The following EPHA3 variants were observed in gnomAD, a reference collection of about 807,000 sequenced individuals.
The protein encoded by EPHA3 is EPH receptor A3, also known as ephrin type-A receptor 3.
In EPHA3, 42 loss-of-function variants were observed where a neutral mutation model predicts 107.1. The observed-to-expected ratio is 0.39, with a 90% CI of 0.31 to 0.51. The LOEUF (loss-of-function observed/expected upper bound fraction) is 0.51. Among genes scored for constraint, EPHA3 ranks in the 20% least tolerant of loss-of-function variants. EPHA3 has a pLI of 0.78. For synonymous variants in EPHA3, 461 were observed against 424.8 expected, an observed-to-expected ratio of 1.09 and a Z score of -1.05; for missense variants, 1,183 against 1,211.2, an observed-to-expected ratio of 0.98 and a Z score of 0.35.
intron 2 of EPHA3, among the ~76,000 whole-genome samples, chr3:89,187,159 G>A (rs1705586095): frequency 6.6e-6 from 1 of 150,970 alleles, no homozygotes; most frequent in Admixed American, 6.6e-5. Context: ...TCCTACCTTT[G>A]TTGAATTACT....
chr3:89,248,429 C>A (rs1489044550), intron 3 of EPHA3, among the ~76,000 whole-genome samples: 2 of 152,130 alleles, frequency 1.3e-5, no homozygotes, highest in African/African-American at 4.8e-5. Context: ...GCTATTTTCT[C>A]CAGTTGAAGA....
chr3:89,408,765 G>A (rs1008550265), intron 9 of EPHA3, among the ~76,000 whole-genome samples: 14 of 151,702 alleles, frequency 9.2e-5, no homozygotes, highest in African/African-American at 2.9e-4. Flanking sequence ...GGTGTTTTGC[G>A]TTCCAAACTA....
At chr3:89,345,649 G>A (rs1707631144) in intron 5 of EPHA3, among the ~76,000 whole-genome samples, 1 of 144,556 alleles carries the variant, frequency 6.9e-6, no homozygotes, top group South Asian at 2.2e-4. Flanking sequence ...AAGTTTTAGG[G>A]TACATGTGCA....
intron 3 of EPHA3, among the ~76,000 whole-genome samples, chr3:89,337,449 T>C (rs1055853772): frequency 7.2e-5 from 11 of 152,232 alleles, no homozygotes; most frequent in African/African-American, 2.4e-4. Context: ...AATAGAACTT[T>C]GATAAGATTT....
intron 7 of EPHA3, among the ~76,000 whole-genome samples, chr3:89,400,749 A>G (rs1576359851): frequency 6.6e-6 from 1 of 152,272 alleles, no homozygotes; most frequent in Admixed American, 6.5e-5. Flanking sequence ...GATTGAGGTC[A>G]TCTTTCTTAC....
intron 11 of EPHA3, among the ~76,000 whole-genome samples, chr3:89,425,787 G>A (rs950976908): frequency 1.3e-5 from 2 of 151,450 alleles, no homozygotes; most frequent in Non-Finnish European, 3.0e-5. Context: ...TGATTGAGAA[G>A]GTTGTGTTAA....
chr3:89,142,091 A>G (rs1323257956), intron 2 of EPHA3, among the ~76,000 whole-genome samples: 1 of 151,376 alleles, frequency 6.6e-6, no homozygotes, highest in Non-Finnish European at 1.5e-5. Context: ...GCTATCTAAA[A>G]CTGATAGTTT....
rs1707011508 is a variant in EPHA3, at chr3:89,107,890, C to A, written c.88+54C>A. On this transcript the variant is annotated intron_variant, in intron 1 of 16. Transcript: ENST00000336596. ...TCTGCCCCGCGGGGCTCACGCTCTT[C>A]AAAGCACGTTCTCACCGAAGCCTTG... 3.2e-6 allele frequency: 5 copies of A among 1,546,936 alleles called. No individual in the cohort carries two copies. The East Asian group carries it at 9.0e-5, about 28-fold the overall frequency.
Position 89,107,933 on chromosome 3 carries a change from T to A in EPHA3, c.88+97T>A. ...AAGCCTTGCACGTCGGGAAGGTGCC[T>A]CCGAATAGAGCAGTTTGCTCTGAGA... On this transcript the variant is annotated intron_variant, in intron 1 of 16. Coordinates refer to ENST00000336596, the MANE Select transcript of EPHA3 (RefSeq NM_005233.6). The A allele has an allele frequency of 2.5e-6, 3 of 1,185,452 alleles. No individual in the cohort carries two copies. The South Asian group carries it at 3.8e-5, about 15-fold the overall frequency. The allele number at this position is 1,185,452 out of a possible 1,614,324, so 73.4% of individuals were successfully genotyped here. A position where few individuals can be genotyped will look rare whatever the true frequency, so the allele number is the denominator to read the frequency against.
intron 5 of EPHA3, among the ~76,000 whole-genome samples, chr3:89,352,215 A>G (rs1236426251): frequency 2.0e-5 from 3 of 151,448 alleles, no homozygotes; most frequent in Non-Finnish European, 3.0e-5. Context: ...TTTGATGATC[A>G]AAGACAACCT....
At chr3:89,290,825 G>A (rs1266980968) in intron 3 of EPHA3, among the ~76,000 whole-genome samples, 1 of 151,958 alleles carries the variant, frequency 6.6e-6, no homozygotes, top group African/African-American at 2.4e-5. Flanking sequence ...TTTACAGTTG[G>A]GTGTCTTTTA....
intron 3 of EPHA3, among the ~76,000 whole-genome samples, chr3:89,257,430 C>G (rs1705311194): frequency 6.6e-6 from 1 of 152,126 alleles, no homozygotes; most frequent in South Asian, 2.1e-4. Context: ...CTCAAAACAA[C>G]AAGGTGATCT....
At chr3:89,151,582 C>T (rs1223058318) in intron 2 of EPHA3, among the ~76,000 whole-genome samples, 3 of 152,006 alleles carry the variant, frequency 2.0e-5, no homozygotes, top group African/African-American at 7.2e-5. Context: ...TGCCACAGCA[C>T]GTGCCAGCTG....
intron 3 of EPHA3, among the ~76,000 whole-genome samples, chr3:89,240,137 G>A (rs938710768): frequency 2.6e-5 from 4 of 152,146 alleles, no homozygotes; most frequent in African/African-American, 4.8e-5. Context: ...AAAGCAGGTC[G>A]CATGGTTGAA....
intron 3 of EPHA3, among the ~76,000 whole-genome samples, chr3:89,330,156 A>G (rs1243653416): frequency 6.6e-6 from 1 of 151,972 alleles, no homozygotes; most frequent in African/African-American, 2.4e-5. Flanking sequence ...TTATCTATTT[A>G]GGGAATAAAT....
intron 3 of EPHA3, among the ~76,000 whole-genome samples, chr3:89,237,258 G>C (rs1160239196): frequency 6.6e-6 from 1 of 152,206 alleles, no homozygotes; most frequent in Non-Finnish European, 1.5e-5. Flanking sequence ...TGTAATCCCA[G>C]GTGCTCAGGA....
chr3:89,311,867 G>A (rs1254174152), intron 3 of EPHA3, among the ~76,000 whole-genome samples: 1 of 151,990 alleles, frequency 6.6e-6, no homozygotes, highest in Admixed American at 6.6e-5. Flanking sequence ...TGTATTTAAT[G>A]TCTGAATAAT....
chr3:89,431,432 G>C, intron 13 of EPHA3, 73 bp downstream of exon 13: 1 of 1,324,614 alleles, frequency 7.5e-7, no homozygotes, highest in Non-Finnish European at 1.0e-6. Context: ...TAAATAAGTA[G>C]AAATCATGAC....
At chr3:89,116,579 G>A (rs1411774849) in intron 1 of EPHA3, among the ~76,000 whole-genome samples, 2 of 151,906 alleles carry the variant, frequency 1.3e-5, no homozygotes, top group African/African-American at 2.4e-5. Context: ...TTTCATGTGG[G>A]TATTTTAGCA....
Sources: gnomAD v4.1 joint callset for allele counts (sites outside exome capture counted in the v4.1 genomes callset) on GRCh38, gnomAD v4.1.1 for gene constraint, MANE v1.5 for transcripts, NCBI Gene and HGNC (gene_info 2026-07-23, HGNC 2026-07-21) for gene names.